The following MYT1L variants were observed in gnomAD, a reference collection of about 807,000 sequenced individuals.
The protein encoded by MYT1L is myelin transcription factor 1 like.
MYT1L carries 12 observed loss-of-function variants against 126.7 expected under a neutral mutation model. The observed-to-expected ratio is 0.09, with a 90% CI of 0.06 to 0.15. The LOEUF (loss-of-function observed/expected upper bound fraction) is 0.15, where lower values mean the gene tolerates loss of function less well. Among genes scored for constraint, MYT1L ranks in the 10% least tolerant of loss-of-function variants. The pLI, the probability that MYT1L is intolerant of heterozygous loss-of-function variation, is 1.00. For synonymous variants in MYT1L, 541 were observed against 604.2 expected, an observed-to-expected ratio of 0.90 and a Z score of 1.53; for missense variants, 979 against 1,585.2, an observed-to-expected ratio of 0.62 and a Z score of 6.49.
At chr2:1,838,642 C>T (rs1456302554) in intron 21 of MYT1L, among the ~76,000 whole-genome samples, 1 of 152,178 alleles carries the variant, frequency 6.6e-6, no homozygotes, top group Admixed American at 6.5e-5. Flanking sequence ...ACGGGCCTCT[C>T]CTAAGATAAT....
intron 2 of MYT1L, among the ~76,000 whole-genome samples, chr2:2,176,394 G>A (rs2090776609): frequency 6.6e-6 from 1 of 152,000 alleles, no homozygotes; most frequent in African/African-American, 2.4e-5. Context: ...ACATTGGAAA[G>A]TATTTTTGGC....
At chr2:1,991,359 C>T (rs1215821948) in intron 5 of MYT1L, among the ~76,000 whole-genome samples, 6 of 152,222 alleles carry the variant, frequency 3.9e-5, no homozygotes, top group Admixed American at 1.3e-4. Flanking sequence ...TTCAGTGACA[C>T]GATCATGGCT....
intron 4 of MYT1L, among the ~76,000 whole-genome samples, chr2:2,009,474 T>C (rs932133654): frequency 3.9e-5 from 6 of 152,236 alleles, no homozygotes; most frequent in African/African-American, 1.4e-4. Context: ...ATAAATGGGA[T>C]TGTTTTACTG....
rs541574423 is a variant in MYT1L, at chr2:2,066,017, G to A, written c.-303-11894C>T. Among the ~76,000 whole-genome samples the A allele has an allele frequency of 1.1e-4, 17 of 152,162 alleles. No individual in the cohort carries two copies. In the South Asian group the frequency reaches 3.3e-3, roughly 30 times the overall value. On this transcript the variant is annotated intron_variant, in intron 3 of 24. Coordinates refer to ENST00000647738, the MANE Select transcript of MYT1L (RefSeq NM_001303052.2). The stretch of plus-strand genomic sequence containing the variant: ...GTGTCTTCCTGTCTCCTTGCCTCAT[G>A]ACGTTTTTCACACCAGCCCTTCCCA...
At chr2:2,226,619 G>T (rs1190234876) in intron 2 of MYT1L, among the ~76,000 whole-genome samples, 1 of 152,132 alleles carries the variant, frequency 6.6e-6, no homozygotes, top group Non-Finnish European at 1.5e-5. Context: ...GCAGGGCAAA[G>T]TGCAGCCTCC....
chr2:1,884,915 A>G (rs1042990854), intron 18 of MYT1L, among the ~76,000 whole-genome samples: 4 of 152,226 alleles, frequency 2.6e-5, no homozygotes, highest in Non-Finnish European at 5.9e-5. Context: ...GTAAGAGAAG[A>G]AGAAAGTGCC....
chr2:2,316,400 C>T (rs1168922869), intron 1 of MYT1L, among the ~76,000 whole-genome samples: 1 of 152,192 alleles, frequency 6.6e-6, no homozygotes, highest in Non-Finnish European at 1.5e-5. Flanking sequence ...TAGATTTTAG[C>T]TGCTAAAAAT....
intron 1 of MYT1L, chr2:2,303,345 C>T (rs2095813448): frequency 6.6e-6 from 1 of 152,266 alleles, no homozygotes; most frequent in African/African-American, 2.4e-5. Context: ...TTACTGAGGT[C>T]ATGCCCTCTT....
At chr2:1,907,139 A>C (rs1409275583) in intron 13 of MYT1L, among the ~76,000 whole-genome samples, 4 of 150,878 alleles carry the variant, frequency 2.7e-5, no homozygotes, top group Non-Finnish European at 5.9e-5. Context: ...ATTAAAAAAA[A>C]AAAACAAAAG....
chr2:2,177,387 C>T (rs558795636), intron 2 of MYT1L, among the ~76,000 whole-genome samples: 1 of 152,242 alleles, frequency 6.6e-6, no homozygotes, highest in South Asian at 2.1e-4. Flanking sequence ...CTAAGACTGA[C>T]CTATAAGCAC....
rs897942242 is a variant in MYT1L, at chr2:1,889,158, C to T, written c.2520+83G>A. On this transcript the variant is annotated intron_variant, in intron 16 of 24. Transcript: ENST00000647738. This position sits in a 1 kb window ranked among gnomAD's most constrained non-coding sequence, Gnocchi z 4.1. Reference sequence around the variant, plus strand: ...AAAGAGAAAATATATTTTCTCATAACGTATGTGCAAATGGCTTTTCTTTCA... The same window carrying T: ...AAAGAGAAAATATATTTTCTCATAATGTATGTGCAAATGGCTTTTCTTTCA... 1.4e-5 allele frequency: 14 copies of T among 1,009,640 alleles called. No individual in the cohort carries two copies. The highest frequency in any genetic ancestry group is 1.1e-4 in the African/African-American group (7 of 62,168). The allele number at this position is 1,009,640 out of a possible 1,614,324, so 62.5% of individuals were successfully genotyped here.
At chr2:2,078,517 C>A (rs2150296685) in intron 3 of MYT1L, among the ~76,000 whole-genome samples, 1 of 152,052 alleles carries the variant, frequency 6.6e-6, no homozygotes, top group Admixed American at 6.5e-5. Context: ...AAGCAATATC[C>A]AAAAGAGAGC....
chr2:1,934,725 T>G (rs1056250193), intron 9 of MYT1L, among the ~76,000 whole-genome samples: 2 of 130,270 alleles, frequency 1.5e-5, no homozygotes, highest in Non-Finnish European at 3.2e-5. Flanking sequence ...GTCTCTGTCA[T>G]GTACACACAC....
At chr2:2,329,403 G>A (rs541560023) in intron 1 of MYT1L, among the ~76,000 whole-genome samples, 5 of 151,980 alleles carry the variant, frequency 3.3e-5, no homozygotes, top group Non-Finnish European at 5.9e-5. Context: ...TATATGTACA[G>A]ATCAAAAGAC....
At chr2:2,249,617 G>C (rs1262134785) in intron 2 of MYT1L, among the ~76,000 whole-genome samples, 5 of 151,976 alleles carry the variant, frequency 3.3e-5, no homozygotes, top group Non-Finnish European at 7.4e-5. Context: ...ATTGATCTGG[G>C]CAGATTTCTT....
intron 2 of MYT1L, among the ~76,000 whole-genome samples, chr2:2,221,400 T>C (rs2093867050): frequency 6.6e-6 from 1 of 152,136 alleles, no homozygotes. Flanking sequence ...AGGTGAAGTC[T>C]GCTCAGAGCT....
intron 2 of MYT1L, among the ~76,000 whole-genome samples, chr2:2,277,679 C>A (rs1432953765): frequency 6.6e-6 from 1 of 152,102 alleles, no homozygotes; most frequent in Non-Finnish European, 1.5e-5. Context: ...CAGGATTAAG[C>A]AGCTATAAAG....
At chr2:1,949,585 C>T (rs749755818) in intron 8 of MYT1L, among the ~76,000 whole-genome samples, 8 of 152,224 alleles carry the variant, frequency 5.3e-5, no homozygotes, top group Non-Finnish European at 7.3e-5. Context: ...AGTGCATTCT[C>T]GCACTTCCAT....
rs146815587 is a variant in MYT1L at position 2,042,988 on chromosome 2, T to G, written c.-158+10990A>C. On this transcript the variant is annotated intron_variant, in intron 4 of 24. Coordinates refer to ENST00000647738, the MANE Select transcript of MYT1L (RefSeq NM_001303052.2). ...GCACCGGGGGTGGCACGTGTGCTCT[T>G]GGACTCTGGACCAGTCTTCCTCTGT... Among the ~76,000 whole-genome samples the G allele has an allele frequency of 7.6e-3, 1,151 of 152,310 alleles. 16 individuals are homozygous for G. Among genetic ancestry groups the G allele is most frequent in the African/African-American group, 0.027 (1,106 of 41,568 alleles).
Sources: allele counts gnomAD v4.1 joint callset (sites outside exome capture counted in the v4.1 genomes callset), GRCh38; gene constraint gnomAD v4.1.1; non-coding constraint Gnocchi (gnomAD v3.1); transcripts MANE v1.5; gene names NCBI Gene and HGNC (gene_info 2026-07-23, HGNC 2026-07-21).